RAB3C: variants seen among roughly 807,000 people sequenced by gnomAD.
The protein encoded by RAB3C is ras-related protein Rab-3C.
Under a neutral mutation model 26.4 loss-of-function variants are expected in RAB3C, and 17 were observed. The observed-to-expected ratio is 0.64, with a 90% CI of 0.44 to 0.97. The LOEUF (loss-of-function observed/expected upper bound fraction) is 0.97, where lower values mean the gene tolerates loss of function less well. Ranked by LOEUF, RAB3C falls within the 50% of genes least tolerant of loss-of-function variation. The pLI is 0.00. For synonymous variants in RAB3C, 91 were observed against 95.9 expected, an observed-to-expected ratio of 0.95 and a Z score of 0.30; for missense variants, 242 against 281.9, an observed-to-expected ratio of 0.86 and a Z score of 1.01.
intron 3 of RAB3C, among the ~76,000 whole-genome samples, chr5:58,782,915 A>G (rs919296587): frequency 6.6e-6 from 1 of 152,020 alleles, no homozygotes; most frequent in Non-Finnish European, 1.5e-5. Flanking sequence ...ACAGCCTTTG[A>G]TTGTACTATG....
chr5:58,690,623 A>G (rs1475353112), intron 2 of RAB3C, among the ~76,000 whole-genome samples: 5 of 152,164 alleles, frequency 3.3e-5, no homozygotes, highest in African/African-American at 1.2e-4. Context: ...CTTTTCACAT[A>G]GTCTCTCCAA....
intron 1 of RAB3C, among the ~76,000 whole-genome samples, chr5:58,606,458 G>T (rs1431611520): frequency 2.6e-5 from 4 of 152,212 alleles, no homozygotes; most frequent in Admixed American, 2.6e-4. Context: ...CCCCCTCTGT[G>T]GGCAGGGCAT....
At chr5:58,711,469 T>C (rs1749061018) in intron 2 of RAB3C, among the ~76,000 whole-genome samples, 1 of 152,194 alleles carries the variant, frequency 6.6e-6, no homozygotes, top group African/African-American at 2.4e-5. Flanking sequence ...TAGATGATAT[T>C]TCTGAAGATA....
intron 3 of RAB3C, among the ~76,000 whole-genome samples, chr5:58,811,006 A>G (rs938522169): frequency 6.6e-6 from 1 of 152,228 alleles, no homozygotes; most frequent in Non-Finnish European, 1.5e-5. Flanking sequence ...GGATCATTCT[A>G]ACCATACGGA....
At chr5:58,744,667 A>G (rs186564470) in intron 3 of RAB3C, among the ~76,000 whole-genome samples, 1 of 152,202 alleles carries the variant, frequency 6.6e-6, no homozygotes, top group South Asian at 2.1e-4. Flanking sequence ...GGGAATGGTC[A>G]TGTTTGTGGT....
chr5:58,712,156 A>G (rs564459797), intron 2 of RAB3C, among the ~76,000 whole-genome samples: 1 of 152,124 alleles, frequency 6.6e-6, no homozygotes, highest in South Asian at 2.1e-4. Context: ...TTTTTCTCTG[A>G]TTTCTCTAGT....
chr5:58,641,135 G>A (rs911930197), intron 2 of RAB3C, among the ~76,000 whole-genome samples: 2 of 152,124 alleles, frequency 1.3e-5, no homozygotes, highest in African/African-American at 2.4e-5. Context: ...GTTTGTATCA[G>A]AGCAAAGTTA....
intron 3 of RAB3C, among the ~76,000 whole-genome samples, chr5:58,753,763 C>T (rs543353345): frequency 2.6e-4 from 40 of 152,224 alleles, no homozygotes; most frequent in Non-Finnish European, 5.1e-4. Context: ...AGACAAGCAG[C>T]AGTTCTATAG....
intron 2 of RAB3C, among the ~76,000 whole-genome samples, chr5:58,627,343 T>G (rs1747074556): frequency 7.1e-6 from 1 of 140,254 alleles, no homozygotes; most frequent in Non-Finnish European, 1.5e-5. Flanking sequence ...TTTCTGGCAT[T>G]AAACACAGCT....
intron 4 of RAB3C, among the ~76,000 whole-genome samples, chr5:58,836,104 G>A (rs1743740748): frequency 6.6e-6 from 1 of 151,994 alleles, no homozygotes; most frequent in African/African-American, 2.4e-5. Flanking sequence ...TCACACAGTT[G>A]GTAATATTCC....
chr5:58,652,422 T>TA (rs1747674461), intron 2 of RAB3C, among the ~76,000 whole-genome samples: 2 of 151,972 alleles, frequency 1.3e-5, no homozygotes, highest in African/African-American at 4.8e-5. Context: ...TCTTAAAACT[T>TA]ATTTTTTTTC....
At chr5:58,786,990 G>C (rs1742404747) in intron 3 of RAB3C, among the ~76,000 whole-genome samples, 1 of 151,994 alleles carries the variant, frequency 6.6e-6, no homozygotes, top group Admixed American at 6.6e-5. Context: ...AGACGACCAG[G>C]GCCAGAAAGT....
chr5:58,728,851 A>G (rs1393786628), intron 3 of RAB3C, among the ~76,000 whole-genome samples: 2 of 151,954 alleles, frequency 1.3e-5, no homozygotes, highest in Non-Finnish European at 2.9e-5. Flanking sequence ...ATCATCTCCT[A>G]TGACTCTCTT....
At chr5:58,736,125 C>T (rs191646753) in intron 3 of RAB3C, among the ~76,000 whole-genome samples, 5 of 152,248 alleles carry the variant, frequency 3.3e-5, no homozygotes, top group African/African-American at 7.2e-5. Flanking sequence ...TTGTAATCTG[C>T]GCCCTGTCCC....
At chr5:58,671,293 T>TA (rs1247206196) in intron 2 of RAB3C, among the ~76,000 whole-genome samples, 15 of 152,192 alleles carry the variant, frequency 9.9e-5, no homozygotes, top group African/African-American at 3.1e-4. Context: ...CTTTGAAATA[T>TA]GAAAAAAACC....
intron 4 of RAB3C, among the ~76,000 whole-genome samples, chr5:58,832,231 G>A (rs1197132918): frequency 6.6e-6 from 1 of 152,210 alleles, no homozygotes; most frequent in Non-Finnish European, 1.5e-5. Flanking sequence ...GGGATCAGAA[G>A]AGGAGTATGA....
At chr5:58,838,949 ATTGTATCC>A (rs1743811146) in intron 4 of RAB3C, among the ~76,000 whole-genome samples, 1 of 151,486 alleles carries the variant, frequency 6.6e-6, no homozygotes, top group Non-Finnish European at 1.5e-5. Flanking sequence ...TTATTATTAT[ATTGTATCC>A]TCTGTCTCTT....
intron 1 of RAB3C, among the ~76,000 whole-genome samples, chr5:58,616,402 A>G (rs1304711239): frequency 2.0e-5 from 3 of 152,200 alleles, no homozygotes; most frequent in Non-Finnish European, 4.4e-5. Flanking sequence ...CAAATAATTT[A>G]TAGCATCAGA....
At chr5:58,672,829 T>C (rs554629567) in intron 2 of RAB3C, among the ~76,000 whole-genome samples, 39 of 152,174 alleles carry the variant, frequency 2.6e-4, no homozygotes, top group Non-Finnish European at 4.0e-4. Flanking sequence ...CATAACCTAC[T>C]TAGTTTCGAA....
Sources: allele counts gnomAD v4.1 joint callset (sites outside exome capture counted in the v4.1 genomes callset), GRCh38; gene constraint gnomAD v4.1.1; transcripts MANE v1.5; gene names NCBI Gene and HGNC (gene_info 2026-07-23, HGNC 2026-07-21).